Variants in ABCB11 observed in about 807,000 individuals in gnomAD.
The protein encoded by ABCB11 is ATP binding cassette subfamily B member 11.
In ABCB11, 95 loss-of-function variants were observed where a neutral mutation model predicts 148.0. That is an observed-to-expected ratio of 0.64 (90% CI 0.54 to 0.76). ABCB11 has a LOEUF of 0.76. Ranked by LOEUF, ABCB11 falls within the 30% of genes least tolerant of loss-of-function variation. The pLI is 0.00. For missense variants in ABCB11, 1,523 were observed against 1,617.8 expected, an observed-to-expected ratio of 0.94 and a Z score of 1.01; for synonymous variants, 591 against 555.4, an observed-to-expected ratio of 1.06 and a Z score of -0.90.
rs72886795 is a variant in ABCB11, at chr2:168,970,065, C to A, written c.1789G>T (p.Val597Leu). The A allele has an allele frequency of 6.2e-7, 1 of 1,612,050 alleles. No individual in the cohort carries two copies. Among genetic ancestry groups the A allele is most frequent in the East Asian group, 2.2e-5 (1 of 44,756 alleles). Residue 597 changes from valine (V) to leucine (L), a missense_variant, in exon 15 of 28, where the codon GTG (valine) becomes TTG (leucine). Val to Leu is a conservative substitution (Grantham distance 32, BLOSUM62 1). Coordinates refer to ENST00000650372, the MANE Select transcript of ABCB11 (RefSeq NM_003742.4). ...SALDNESEAM[V>L]QEVLSKIQHG... ...CAAACCTTACTCAGCACTTCTTGCA[C>A]CATGGCTTCACTCTCATTGTCCAGA... is the stretch of plus-strand genomic sequence containing the variant.
chr2:168,936,525 G>T, intron 21 of ABCB11, 92 bp from the exon 22 acceptor site: 1 of 1,156,206 alleles, frequency 8.6e-7, no homozygotes, highest in Non-Finnish European at 1.3e-6. Flanking sequence ...TTATAAAGTT[G>T]TGATAAAATA....
chr2:168,917,101 C>A (rs548981644), downstream of ABCB11, among the ~76,000 whole-genome samples: 4 of 152,088 alleles, frequency 2.6e-5, no homozygotes, highest in South Asian at 2.1e-4. Context: ...ATTATAGGCA[C>A]GGGGGCAGCA....
intron 5 of ABCB11, among the ~76,000 whole-genome samples, chr2:169,006,199 T>C (rs1372657826): frequency 6.6e-6 from 1 of 152,208 alleles, no homozygotes; most frequent in Non-Finnish European, 1.5e-5. Flanking sequence ...TACTCATTAT[T>C]ACCTGGTGGG....
At chr2:168,945,102 C>T in intron 19 of ABCB11, 141 bp from the exon 20 acceptor site, 1 of 598,702 alleles carries the variant, frequency 1.7e-6, no homozygotes, top group Non-Finnish European at 2.9e-6. Flanking sequence ...AGAGTGAACC[C>T]TAATGTAAGC....
At chr2:168,932,670 G>C (rs917816254) in intron 23 of ABCB11, 137 bp from the exon 24 acceptor site, 1 of 1,049,906 alleles carries the variant, frequency 9.5e-7, no homozygotes, top group Non-Finnish European at 1.4e-6. Flanking sequence ...CTTCAGACTT[G>C]TCTGGAAATG....
chr2:169,013,646 C>T, intron 4 of ABCB11, 136 bp from the exon 5 acceptor site: 1 of 640,656 alleles, frequency 1.6e-6, no homozygotes, highest in South Asian at 2.2e-5. Context: ...AATTGAGTGG[C>T]AGAGTTCGTA....
chr2:168,972,883 G>A (rs562508356), intron 13 of ABCB11, among the ~76,000 whole-genome samples: 1 of 152,122 alleles, frequency 6.6e-6, no homozygotes, highest in African/African-American at 2.4e-5. Flanking sequence ...AATGACCCTA[G>A]ACAAGTTTCC....
At chr2:168,965,226 G>T (rs1018734240) in intron 17 of ABCB11, among the ~76,000 whole-genome samples, 1 of 151,764 alleles carries the variant, frequency 6.6e-6, no homozygotes, top group African/African-American at 2.4e-5. Flanking sequence ...AGACAGGGGA[G>T]GACAGGGTTG....
intron 1 of ABCB11, among the ~76,000 whole-genome samples, chr2:169,024,619 G>C (rs1256692025): frequency 6.6e-6 from 1 of 151,996 alleles, no homozygotes; most frequent in Admixed American, 6.6e-5. Context: ...TTATTAGCTA[G>C]AGTGCATAAT....
At chr2:168,974,353 G>C (rs1693721381) in intron 12 of ABCB11, among the ~76,000 whole-genome samples, 1 of 151,982 alleles carries the variant, frequency 6.6e-6, no homozygotes, top group South Asian at 2.1e-4. Context: ...TATACACGGT[G>C]TGTTTGCTAC....
intron 1 of ABCB11, among the ~76,000 whole-genome samples, chr2:169,029,773 G>A (rs1012083406): frequency 1.0e-5 from 1 of 98,180 alleles, no homozygotes; most frequent in Admixed American, 1.2e-4. Context: ...TCGCTCTGTC[G>A]CCCAGGCCGG....
At chr2:168,995,665 G>A (rs555164331) in intron 6 of ABCB11, among the ~76,000 whole-genome samples, 183 bp from the exon 7 acceptor site, 8 of 152,080 alleles carry the variant, frequency 5.3e-5, no homozygotes, top group Admixed American at 3.3e-4. Context: ...GAGGTAAACA[G>A]AACCTTCAGC....
chr2:169,023,878 A>G (rs759273894), intron 1 of ABCB11, among the ~76,000 whole-genome samples: 3 of 152,222 alleles, frequency 2.0e-5, no homozygotes, highest in Non-Finnish European at 4.4e-5. Flanking sequence ...TCTTAAAACA[A>G]AAAGTTCCAG....
At chr2:168,936,128 G>A in intron 22 of ABCB11, 102 bp downstream of exon 22, 1 of 1,162,248 alleles carries the variant, frequency 8.6e-7, no homozygotes, top group South Asian at 1.6e-5. Context: ...CTGTCTTGTG[G>A]GCTGACAGCT....
At chr2:169,016,931 T>C (rs1221140434) in intron 2 of ABCB11, 132 bp from the exon 3 acceptor site, 1 of 687,578 alleles carries the variant, frequency 1.5e-6, no homozygotes, top group African/African-American at 1.8e-5. Context: ...AGCAAATGAC[T>C]ATTTGCCTTT....
chr2:169,009,207 A>G (rs1033611266), intron 5 of ABCB11, among the ~76,000 whole-genome samples: 81 of 152,204 alleles, frequency 5.3e-4, no homozygotes, highest in African/African-American at 1.9e-3. Flanking sequence ...ATACCATTTG[A>G]CCCAGCCATC....
At chr2:169,010,420 A>G (rs1695146040) in intron 5 of ABCB11, among the ~76,000 whole-genome samples, 1 of 152,156 alleles carries the variant, frequency 6.6e-6, no homozygotes, top group Non-Finnish European at 1.5e-5. Context: ...GGAAGGCTTT[A>G]ACTTAAAAAT....
At chr2:169,020,525 A>T (rs1695505746) in intron 1 of ABCB11, among the ~76,000 whole-genome samples, 1 of 152,232 alleles carries the variant, frequency 6.6e-6, no homozygotes. Context: ...AAAATAGTCC[A>T]AACGGTTCAG....
intron 15 of ABCB11, 91 bp downstream of exon 15, chr2:168,969,954 C>A: frequency 1.1e-5 from 8 of 755,866 alleles, no homozygotes; most frequent in Non-Finnish European, 1.3e-5. Context: ...CAACTACTCC[C>A]ATCCCTCCCA....
Sources: allele counts gnomAD v4.1 joint callset (sites outside exome capture counted in the v4.1 genomes callset), GRCh38; gene constraint gnomAD v4.1.1; transcripts MANE v1.5; gene names NCBI Gene and HGNC (gene_info 2026-07-23, HGNC 2026-07-21).